DCLK1: variants seen among roughly 807,000 people sequenced by gnomAD.
DCLK1 encodes the protein doublecortin like kinase 1.
DCLK1 carries 16 observed loss-of-function variants against 86.2 expected under a neutral mutation model. The ratio of observed to expected loss-of-function variants is 0.19; its 90% CI spans 0.13 to 0.28. DCLK1 has a LOEUF of 0.28. Ranked by LOEUF, DCLK1 falls within the 10% of genes least tolerant of loss-of-function variation. The pLI, the probability that DCLK1 is intolerant of heterozygous loss-of-function variation, is 1.00. For missense variants in DCLK1, 590 were observed against 940.2 expected (o/e 0.63, Z 4.87); for synonymous variants, 369 against 370.5 (o/e 1.00, Z 0.05).
chr13:35,782,372 G>A lies in DCLK1; in HGVS notation c.2059-7673C>T, dbSNP rs565046473. Among the ~76,000 whole-genome samples, 13 of 152,234 alleles carry A rather than the reference G, an allele frequency of 8.5e-5. No individual in the cohort carries two copies. In the East Asian group the frequency reaches 2.1e-3, roughly 25 times the overall value. ...TTTCTTATAGGAGCCCAACCTCAGC[G>A]GAATTGCCATGTTTGTTCTCCATCA... On this transcript the variant is annotated intron_variant, in intron 16 of 16. Coordinates refer to ENST00000360631, the MANE Select transcript of DCLK1 (RefSeq NM_001330071.2).
intron 16 of DCLK1, among the ~76,000 whole-genome samples, chr13:35,782,837 G>C (rs984419638): frequency 6.6e-6 from 1 of 151,444 alleles, no homozygotes; most frequent in Non-Finnish European, 1.5e-5. Context: ...TAGAAAGGGT[G>C]TTGGAAAACT....
intron 3 of DCLK1, among the ~76,000 whole-genome samples, chr13:36,052,352 G>T (rs747583489): frequency 1.3e-5 from 2 of 152,068 alleles, no homozygotes; most frequent in Non-Finnish European, 2.9e-5. Flanking sequence ...ATTCAAAGAA[G>T]AATTTGTTTT....
chr13:35,970,880 T>C (rs1879028951), intron 3 of DCLK1, among the ~76,000 whole-genome samples: 2 of 152,194 alleles, frequency 1.3e-5, no homozygotes, highest in South Asian at 4.1e-4. Flanking sequence ...TTCAGTGCCC[T>C]AAATGTTAAT....
At chr13:35,972,295 G>A (rs934751616) in intron 3 of DCLK1, among the ~76,000 whole-genome samples, 4 of 151,702 alleles carry the variant, frequency 2.6e-5, no homozygotes, top group Admixed American at 6.6e-5. Flanking sequence ...ATGGGGTGTC[G>A]CTATGCAATC....
intron 16 of DCLK1, chr13:35,788,009 G>A (rs1174329158): frequency 3.4e-6 from 2 of 582,426 alleles, no homozygotes; most frequent in Non-Finnish European, 6.2e-6. Flanking sequence ...AAAGAAAGCT[G>A]GCAAATGTCA....
At chr13:35,840,703 A>G (rs190357154) in intron 6 of DCLK1, among the ~76,000 whole-genome samples, 114 of 152,338 alleles carry the variant, frequency 7.5e-4, no homozygotes, top group African/African-American at 2.5e-3. Flanking sequence ...TCAGGCTACA[A>G]AAACGGATTG....
intron 3 of DCLK1, among the ~76,000 whole-genome samples, chr13:35,965,719 C>T (rs1052350873): frequency 1.3e-5 from 2 of 152,080 alleles, no homozygotes; most frequent in Admixed American, 6.5e-5. Flanking sequence ...ATGCTTAATC[C>T]CTCTGCATCC....
intron 3 of DCLK1, among the ~76,000 whole-genome samples, chr13:35,953,596 C>T (rs1251975396): frequency 1.3e-5 from 2 of 152,158 alleles, no homozygotes; most frequent in African/African-American, 4.8e-5. Flanking sequence ...AAGCTGCTTA[C>T]GAGGAAACAA....
intron 3 of DCLK1, among the ~76,000 whole-genome samples, chr13:36,052,547 A>G (rs1316372821): frequency 6.6e-6 from 1 of 152,140 alleles, no homozygotes; most frequent in Non-Finnish European, 1.5e-5. Flanking sequence ...TAGGACAAAC[A>G]CTAGGAATAG....
intron 3 of DCLK1, among the ~76,000 whole-genome samples, chr13:36,048,859 A>G (rs575916365): frequency 6.6e-6 from 1 of 152,288 alleles, no homozygotes; most frequent in East Asian, 1.9e-4. Flanking sequence ...CAAATGCTGC[A>G]AAAGCCTCAG....
intron 4 of DCLK1, among the ~76,000 whole-genome samples, chr13:35,945,591 T>C (rs1274725984): frequency 6.6e-6 from 1 of 152,246 alleles, no homozygotes; most frequent in African/African-American, 2.4e-5. Context: ...AGAATGCATC[T>C]GGTCTGCCAA....
intron 6 of DCLK1, chr13:35,848,126 G>A (rs965318350): frequency 3.0e-6 from 3 of 985,148 alleles, no homozygotes; most frequent in Admixed American, 6.2e-5. Context: ...TCTTCAGAGC[G>A]CATTTAAGGA....
intron 11 of DCLK1, among the ~76,000 whole-genome samples, chr13:35,821,299 T>C (rs572603399): frequency 7.2e-5 from 11 of 152,328 alleles, no homozygotes; most frequent in Non-Finnish European, 1.6e-4. Flanking sequence ...CGGATCTTAC[T>C]AGCTTTTATT....
chr13:35,960,477 A>C (rs1451298042), intron 3 of DCLK1, among the ~76,000 whole-genome samples: 1 of 152,142 alleles, frequency 6.6e-6, no homozygotes, highest in Non-Finnish European at 1.5e-5. Context: ...TTATTGTTTT[A>C]TTTATTCATT....
chr13:35,957,191 G>A (rs1056504608), intron 3 of DCLK1, among the ~76,000 whole-genome samples: 2 of 151,954 alleles, frequency 1.3e-5, no homozygotes, highest in Non-Finnish European at 2.9e-5. Flanking sequence ...CTAGTGTAAG[G>A]TGCTTTACAG....
chr13:35,985,191 A>G (rs1879841721), intron 3 of DCLK1, among the ~76,000 whole-genome samples: 1 of 152,086 alleles, frequency 6.6e-6, no homozygotes, highest in South Asian at 2.1e-4. Context: ...TCCCTTCCAC[A>G]TCATCCTTCT....
chr13:35,929,342 G>A (rs1447819450), intron 4 of DCLK1, among the ~76,000 whole-genome samples: 2 of 152,176 alleles, frequency 1.3e-5, no homozygotes, highest in East Asian at 3.8e-4. Flanking sequence ...TTAAAGTTGA[G>A]GGGCAAATCT....
intron 3 of DCLK1, among the ~76,000 whole-genome samples, chr13:35,965,093 G>T (rs1343655661): frequency 6.6e-6 from 1 of 152,104 alleles, no homozygotes; most frequent in African/African-American, 2.4e-5. Flanking sequence ...TCATGCCCTA[G>T]AAGACACTGT....
Position 36,125,907 on chromosome 13 carries a change from G to A in DCLK1, c.231C>T (p.Ser77=), listed in dbSNP as rs1010617303. ...CCTCAAAAGATCGGAACCGGTCTGGGGAGATGGCATACACAATCCCTTTGA... is the reference window on the plus strand; with the variant it reads ...CCTCAAAAGATCGGAACCGGTCTGGAGAGATGGCATACACAATCCCTTTGA... ...RYFKGIVYAI[S]PDRFRSFEAL... is the part of the protein sequence containing the mutation. The change falls in exon 2 of 17, where the codon TCC becomes TCT. Residue 77 remains serine (S), a synonymous_variant. Coordinates refer to ENST00000360631, the MANE Select transcript of DCLK1 (RefSeq NM_001330071.2). 2.5e-6 allele frequency: 4 copies of A among 1,614,180 alleles called. No individual in the cohort carries two copies. Among genetic ancestry groups the A allele is most frequent in the Non-Finnish European group, 3.4e-6 (4 of 1,180,046 alleles).
Sources: gnomAD v4.1 joint callset for allele counts (sites outside exome capture counted in the v4.1 genomes callset) on GRCh38, gnomAD v4.1.1 for gene constraint, MANE v1.5 for transcripts, NCBI Gene and HGNC (gene_info 2026-07-23, HGNC 2026-07-21) for gene names.